Variants in MMP16 observed in about 807,000 individuals in gnomAD.
The protein encoded by MMP16 is matrix metallopeptidase 16.
A neutral mutation model predicts 67.8 loss-of-function variants in MMP16; 12 were observed. That is an observed-to-expected ratio of 0.18 (90% confidence interval 0.11 to 0.29). The LOEUF (loss-of-function observed/expected upper bound fraction) is 0.29. Among genes scored for constraint, MMP16 ranks in the 10% least tolerant of loss-of-function variants. The pLI is 1.00. For synonymous variants in MMP16, 249 were observed against 255.9 expected (o/e 0.97, Z 0.26); for missense variants, 475 against 765.7 (o/e 0.62, Z 4.48).
chr8:88,173,217 A>C (rs939355857), intron 3 of MMP16, among the ~76,000 whole-genome samples: 1 of 151,952 alleles, frequency 6.6e-6, no homozygotes, highest in African/African-American at 2.4e-5. Context: ...ACGCCTGGCT[A>C]ATTTTTATAC....
intron 9 of MMP16, among the ~76,000 whole-genome samples, chr8:88,043,739 G>A (rs1808163541): frequency 6.6e-6 from 1 of 152,164 alleles, no homozygotes; most frequent in Non-Finnish European, 1.5e-5. Flanking sequence ...AGAGCAACTT[G>A]CCAAGTGAAA....
chr8:88,079,321 A>T (rs1249748594), intron 6 of MMP16, among the ~76,000 whole-genome samples: 3 of 152,198 alleles, frequency 2.0e-5, no homozygotes, highest in African/African-American at 7.2e-5. Context: ...CCATATACGC[A>T]AAACTTTTAT....
At chr8:88,275,668 T>A (rs1810637716) in intron 1 of MMP16, among the ~76,000 whole-genome samples, 1 of 151,920 alleles carries the variant, frequency 6.6e-6, no homozygotes, top group Non-Finnish European at 1.5e-5. Flanking sequence ...CTTTTAAGGA[T>A]CCCTTTCATC....
At chr8:88,315,695 A>G (rs1169076184) in intron 1 of MMP16, among the ~76,000 whole-genome samples, 1 of 152,184 alleles carries the variant, frequency 6.6e-6, no homozygotes, top group African/African-American at 2.4e-5. Flanking sequence ...AAACACAACA[A>G]TATTGAAATT....
At chr8:88,099,662 A>AT (rs746193763) in intron 6 of MMP16, among the ~76,000 whole-genome samples, 27 of 151,862 alleles carry the variant, frequency 1.8e-4, no homozygotes, top group Non-Finnish European at 3.5e-4. Context: ...TTTAGTCCAG[A>AT]TTTTTTCCCC....
chr8:88,246,957 C>T (rs1488775771), intron 1 of MMP16, among the ~76,000 whole-genome samples: 2 of 152,066 alleles, frequency 1.3e-5, no homozygotes, highest in Non-Finnish European at 2.9e-5. Flanking sequence ...TACTTTTTAT[C>T]ATGTGACGGT....
chr8:88,251,311 C>A (rs1810216811), intron 1 of MMP16, among the ~76,000 whole-genome samples: 1 of 151,744 alleles, frequency 6.6e-6, no homozygotes, highest in South Asian at 2.1e-4. Flanking sequence ...ATCAATGGAA[C>A]AGAACAGAGT....
chr8:88,174,534 A>G (rs1808853859), intron 3 of MMP16, among the ~76,000 whole-genome samples: 1 of 152,218 alleles, frequency 6.6e-6, no homozygotes, highest in Non-Finnish European at 1.5e-5. Flanking sequence ...AAGTGAATAC[A>G]TTTTTGGTTT....
chr8:88,111,802 C>A (rs948267819), intron 6 of MMP16, among the ~76,000 whole-genome samples: 1 of 151,632 alleles, frequency 6.6e-6, no homozygotes, highest in African/African-American at 2.4e-5. Flanking sequence ...ACAAAACCAC[C>A]TTGGCAAATG....
At chr8:88,214,116 C>T (rs1809551927) in intron 1 of MMP16, among the ~76,000 whole-genome samples, 1 of 152,120 alleles carries the variant, frequency 6.6e-6, no homozygotes, top group African/African-American at 2.4e-5. Flanking sequence ...CGTGATGACT[C>T]CTCCATGTAT....
chr8:88,307,738 A>G (rs1340297105), intron 1 of MMP16, among the ~76,000 whole-genome samples: 2 of 152,192 alleles, frequency 1.3e-5, no homozygotes, highest in East Asian at 1.9e-4. Context: ...TCTAGAATTA[A>G]TAAGAGAACA....
intron 4 of MMP16, among the ~76,000 whole-genome samples, chr8:88,132,384 T>G (rs1455510724): frequency 1.3e-5 from 2 of 151,784 alleles, no homozygotes; most frequent in Admixed American, 1.3e-4. Context: ...TTTCTAAGGG[T>G]AGAAATATGA....
chr8:88,250,208 T>C (rs1398814064), intron 1 of MMP16, among the ~76,000 whole-genome samples: 2 of 151,994 alleles, frequency 1.3e-5, no homozygotes, highest in African/African-American at 4.8e-5. Context: ...TTCTAGTCCA[T>C]TTGCATGATC....
chr8:88,227,412 T>A (rs1433431901), intron 1 of MMP16, among the ~76,000 whole-genome samples: 1 of 152,062 alleles, frequency 6.6e-6, no homozygotes, highest in African/African-American at 2.4e-5. Context: ...ACATCATATT[T>A]AAAACTCCCA....
chr8:88,176,677 T>A (rs28907589), intron 3 of MMP16, among the ~76,000 whole-genome samples: 1,524 of 152,320 alleles, frequency 0.01, 10 homozygotes, highest in Middle Eastern at 0.027. Context: ...AGATAGTGAA[T>A]CCTTTTCCAA....
intron 3 of MMP16, among the ~76,000 whole-genome samples, chr8:88,185,827 T>C (rs1586195102): frequency 6.6e-6 from 1 of 152,336 alleles, no homozygotes; most frequent in East Asian, 1.9e-4. Flanking sequence ...TGTATTTATA[T>C]GACTGTTCAA....
chr8:88,183,929 AT>A (rs1809025947), intron 3 of MMP16, among the ~76,000 whole-genome samples: 1 of 151,276 alleles, frequency 6.6e-6, no homozygotes, highest in Admixed American at 6.6e-5. Flanking sequence ...TTATTTTAGT[AT>A]AGACAGGGTT....
At chr8:88,151,720 A>G (rs1808410903) in intron 4 of MMP16, among the ~76,000 whole-genome samples, 1 of 151,826 alleles carries the variant, frequency 6.6e-6, no homozygotes, top group South Asian at 2.1e-4. Context: ...AGCAGTGTGT[A>G]GAGGGAAATT....
chr8:88,218,388 T>G (rs781638794), intron 1 of MMP16, among the ~76,000 whole-genome samples: 1 of 152,022 alleles, frequency 6.6e-6, no homozygotes, highest in African/African-American at 2.4e-5. Flanking sequence ...AATTGTATGA[T>G]GAATAAGTTC....
Sources: allele counts gnomAD v4.1 joint callset (sites outside exome capture counted in the v4.1 genomes callset), GRCh38; gene constraint gnomAD v4.1.1; transcripts MANE v1.5; gene names NCBI Gene and HGNC (gene_info 2026-07-23, HGNC 2026-07-21).